The following MMS22L variants were observed in gnomAD, a reference collection of about 807,000 sequenced individuals.
MMS22L encodes the protein MMS22 like, DNA repair protein, also known as protein MMS22-like.
Under a neutral mutation model 159.1 loss-of-function variants are expected in MMS22L, and 74 were observed. That is an observed-to-expected ratio of 0.47 (90% CI 0.39 to 0.56). The LOEUF (loss-of-function observed/expected upper bound fraction) is 0.56, where lower values mean the gene tolerates loss of function less well. Among genes scored for constraint, MMS22L ranks in the 20% least tolerant of loss-of-function variants. The probability of loss-of-function intolerance (pLI) is 0.00; values close to 1 mark genes in which losing one functional copy is unlikely to be tolerated. For missense variants in MMS22L, 1,351 were observed against 1,422.1 expected (o/e 0.95, Z 0.80); for synonymous variants, 517 against 506.9 (o/e 1.02, Z -0.27).
intron 10 of MMS22L, among the ~76,000 whole-genome samples, chr6:97,250,275 CTCTA>C (rs934653404): frequency 1.3e-4 from 20 of 152,152 alleles, no homozygotes; most frequent in African/African-American, 4.8e-4. Context: ...TAGGTAGGAT[CTCTA>C]CCAGATATGT....
chr6:97,229,673 C>T (rs2127997417), intron 13 of MMS22L, among the ~76,000 whole-genome samples: 1 of 152,298 alleles, frequency 6.6e-6, no homozygotes, highest in Non-Finnish European at 1.5e-5. Context: ...TCATATAGTA[C>T]ATGGCTTTTC....
At chr6:97,255,118 C>T (rs1053890826) in intron 9 of MMS22L, among the ~76,000 whole-genome samples, 1 of 151,982 alleles carries the variant, frequency 6.6e-6, no homozygotes, top group Non-Finnish European at 1.5e-5. Context: ...TAACTTGCTT[C>T]TTTGGTCAAT....
intron 14 of MMS22L, among the ~76,000 whole-genome samples, chr6:97,197,548 T>C (rs1199174749): frequency 2.0e-5 from 3 of 152,174 alleles, no homozygotes; most frequent in African/African-American, 7.2e-5. Context: ...TTATAAAATA[T>C]GTGAAGTTGT....
intron 14 of MMS22L, among the ~76,000 whole-genome samples, chr6:97,196,584 A>G (rs917780581): frequency 2.0e-5 from 3 of 152,158 alleles, no homozygotes; most frequent in African/African-American, 7.2e-5. Flanking sequence ...AGCCAAAAGT[A>G]AAGTCTTTAA....
intron 14 of MMS22L, among the ~76,000 whole-genome samples, chr6:97,224,957 G>A (rs1248085076): frequency 2.0e-5 from 3 of 152,100 alleles, no homozygotes; most frequent in African/African-American, 7.2e-5. Context: ...TAAGAAGGCA[G>A]CTGTGGTATA....
At chr6:97,238,027 A>G (rs916473945) in intron 11 of MMS22L, among the ~76,000 whole-genome samples, 2 of 152,256 alleles carry the variant, frequency 1.3e-5, no homozygotes, top group African/African-American at 4.8e-5. Flanking sequence ...AAGCAAAAGT[A>G]TGAATGCTAG....
chr6:97,267,785 A>G (rs1815294378), intron 8 of MMS22L, 87 bp downstream of exon 8: 1 of 1,174,910 alleles, frequency 8.5e-7, no homozygotes, highest in African/African-American at 1.6e-5. Flanking sequence ...AAAGCATTTT[A>G]GTTTAAATTC....
intron 14 of MMS22L, among the ~76,000 whole-genome samples, chr6:97,226,147 T>G (rs1810224418): frequency 6.6e-6 from 1 of 152,206 alleles, no homozygotes; most frequent in Non-Finnish European, 1.5e-5. Context: ...TTTCCATTAT[T>G]AGCAACTGGA....
chr6:97,262,962 T>G, intron 9 of MMS22L, among the ~76,000 whole-genome samples: 1 of 152,156 alleles, frequency 6.6e-6, no homozygotes, highest in East Asian at 1.9e-4. Context: ...AATTGAGTAA[T>G]AGAAACCTGT....
At chr6:97,246,075 A>C in intron 11 of MMS22L, 1 of 363,088 alleles carries the variant, frequency 2.8e-6, no homozygotes, top group Non-Finnish European at 5.3e-6. Context: ...ATGTTTAAAA[A>C]TGTGATGAAC....
At chr6:97,246,558 GT>G in intron 11 of MMS22L, 69 bp downstream of exon 11, 1 of 1,283,462 alleles carries the variant, frequency 7.8e-7, no homozygotes, top group Middle Eastern at 1.9e-4. Context: ...AGCTTGCTTG[GT>G]TTTAAAAATA....
At chr6:97,210,068 A>C (rs1808211984) in intron 14 of MMS22L, among the ~76,000 whole-genome samples, 1 of 151,948 alleles carries the variant, frequency 6.6e-6, no homozygotes, top group Admixed American at 6.6e-5. Context: ...TTTATCCTTC[A>C]GATGAAAGAA....
At chr6:97,263,594 A>G (rs1260926276) in intron 8 of MMS22L, 146 bp from the exon 9 acceptor site, 134 of 430,426 alleles carry the variant, frequency 3.1e-4, no homozygotes, top group Non-Finnish European at 4.4e-5. Context: ...AAAATGTGCA[A>G]TTTCATTTAA....
At chr6:97,254,511 A>G (rs758983871) in intron 10 of MMS22L, 46 bp downstream of exon 10, 2 of 1,461,420 alleles carry the variant, frequency 1.4e-6, no homozygotes. Context: ...AAATAATTAC[A>G]TATTAATTGA....
At chr6:97,181,761 G>T (rs1194884077) in intron 16 of MMS22L, 143 bp downstream of exon 16, 3 of 723,806 alleles carry the variant, frequency 4.1e-6, no homozygotes, top group Non-Finnish European at 6.2e-6. Context: ...TCGAAAGGCT[G>T]ATATATCTGA....
intron 14 of MMS22L, among the ~76,000 whole-genome samples, chr6:97,203,206 C>T (rs1450120835): frequency 1.3e-5 from 2 of 151,790 alleles, no homozygotes; most frequent in East Asian, 3.9e-4. Context: ...ACTAAAAAGG[C>T]AAAAAAAGGA....
chr6:97,237,039 T>TTG (rs1811496372), intron 11 of MMS22L, among the ~76,000 whole-genome samples: 1 of 151,462 alleles, frequency 6.6e-6, no homozygotes, highest in Non-Finnish European at 1.5e-5. Context: ...AAATAATTGG[T>TTG]TGTGTATATT....
rs1388139709 is a variant in MMS22L, at chr6:97,146,575, A to C, written c.*231T>G. 1 of 304,278 alleles carries C rather than the reference A, an allele frequency of 3.3e-6. No homozygotes were observed. Among genetic ancestry groups the C allele is most frequent in the African/African-American group, 2.2e-5 (1 of 45,746 alleles). The allele number at this position is 304,278 out of a possible 1,614,324, so 18.8% of individuals were successfully genotyped here. A position where few individuals can be genotyped will look rare whatever the true frequency, so the allele number is the denominator to read the frequency against. On this transcript the variant is annotated 3_prime_UTR_variant, in exon 25 of 25. Transcript: ENST00000683635. ...TTTAATTTAGTTTAACTAAAATTTCATCAAGGTAGAATGCAGTTTTGTAAA... is the reference window on the plus strand; with the variant it reads ...TTTAATTTAGTTTAACTAAAATTTCCTCAAGGTAGAATGCAGTTTTGTAAA...
At chr6:97,223,357 C>T (rs1205236857) in intron 14 of MMS22L, among the ~76,000 whole-genome samples, 1 of 151,996 alleles carries the variant, frequency 6.6e-6, no homozygotes, top group Non-Finnish European at 1.5e-5. Context: ...TTCATTATTT[C>T]CCTTGTCAGA....
Sources: allele counts gnomAD v4.1 joint callset (sites outside exome capture counted in the v4.1 genomes callset), GRCh38; gene constraint gnomAD v4.1.1; transcripts MANE v1.5; gene names NCBI Gene and HGNC (gene_info 2026-07-23, HGNC 2026-07-21).